Variants in RBM42 observed in about 807,000 individuals in gnomAD.
RBM42 encodes RNA-binding protein 42.
Under a neutral mutation model 41.4 loss-of-function variants are expected in RBM42, and 21 were observed. The ratio of observed to expected loss-of-function variants is 0.51; its 90% CI spans 0.36 to 0.73. RBM42 has a LOEUF of 0.73. Ranked by LOEUF, RBM42 falls within the 30% of genes least tolerant of loss-of-function variation. The probability of loss-of-function intolerance (pLI) is 0.00; values close to 1 mark genes in which losing one functional copy is unlikely to be tolerated. For missense variants in RBM42, 539 were observed against 680.4 expected, an observed-to-expected ratio of 0.79 and a Z score of 2.31; for synonymous variants, 272 against 271.2, an observed-to-expected ratio of 1.00 and a Z score of -0.03.
chr19:35,633,856 C>A lies in RBM42; in HGVS notation c.854C>A (p.Pro285Gln). The change falls in exon 7 of 10, where the codon CCG (proline) becomes CAG (glutamine). Residue 285 changes from proline to glutamine, a missense_variant. Physicochemically the swap from Pro to Gln is moderately conservative, Grantham distance 76 (BLOSUM62 -1). This residue lies in a region of RBM42 where 429 missense variants were observed against 488.9 expected (regional missense o/e 0.88). Coordinates refer to ENST00000262633, the MANE Select transcript of RBM42 (RefSeq NM_024321.5). ...AGPAVIGPSL[P>Q]LALAMPLPEP... Reference sequence around the variant, plus strand: ...CCTGCAGTCATTGGGCCCAGCCTGCCGCTGGCCCTGGCCATGCCATTGCCC... The same window carrying A: ...CCTGCAGTCATTGGGCCCAGCCTGCAGCTGGCCCTGGCCATGCCATTGCCC... The A allele has an allele frequency of 6.3e-7, 1 of 1,575,596 alleles. No individual in the cohort carries two copies. The highest frequency in any genetic ancestry group is 8.6e-7 in the Non-Finnish European group (1 of 1,164,734).
At position 35,632,936 on chromosome 19, in the gene RBM42, CTG is replaced by C; in HGVS notation, c.446_447del (p.Val149GlyfsTer114). The stretch of plus-strand genomic sequence containing the variant: ...ACACCCCCATCTCTCTCTCCCACAG[CTG>C]TGGCCCCCCAGAGGGCCCCTATCCT... On this transcript the variant is annotated frameshift_variant and splice_region_variant, in exon 5 of 10. Coordinates refer to ENST00000262633, the MANE Select transcript of RBM42 (RefSeq NM_024321.5). LOFTEE classifies it high-confidence loss of function. 2 of 1,511,856 alleles carry C rather than the reference CTG, an allele frequency of 1.3e-6. No individual in the cohort carries two copies. The highest frequency in any genetic ancestry group is 1.8e-6 in the Non-Finnish European group (2 of 1,088,318). 93.7% of individuals were successfully genotyped at this position (1,511,856 alleles called of 1,614,324 possible).
intron 8 of RBM42, among the ~76,000 whole-genome samples, chr19:35,636,619 G>A (rs1465957582): frequency 1.3e-5 from 2 of 152,198 alleles, no homozygotes; most frequent in African/African-American, 4.8e-5. Flanking sequence ...AGCATGTCCA[G>A]GTCTCAAGGG....
chr19:35,629,173 C>G lies in RBM42; in HGVS notation c.20C>G (p.Ala7Gly). The change falls in exon 1 of 10, where the codon GCC becomes GGC. Residue 7 changes from alanine (A) to glycine (G), a missense_variant. Ala to Gly is a moderately conservative substitution (Grantham distance 60). This residue lies in a region of RBM42 where 429 missense variants were observed against 488.9 expected (regional missense o/e 0.88). Transcript: ENST00000262633. ...GCAGCGATGGCTGGGGCGGGGCCAG[C>G]CCCGGGACTCCCGGGTGCAGGAGGA... MAGAGP[A>G]PGLPGAGGPV... The G allele has an allele frequency of 6.6e-7, 1 of 1,524,408 alleles. No individual in the cohort carries two copies. Among genetic ancestry groups the G allele is most frequent in the Non-Finnish European group, 8.8e-7 (1 of 1,140,406 alleles). 94.4% of individuals were successfully genotyped at this position (1,524,408 alleles called of 1,614,324 possible).
In RBM42 at chr19:35,635,822, G is replaced by A. The variant is rs531815560; in HGVS notation, c.1136-1336G>A. ...GGCATAAGCCACCACGCCCAGCCTC[G>A]ATTATATCTTAATAAGAACGGTCTC... On this transcript the variant is annotated intron_variant, in intron 8 of 9. Coordinates refer to ENST00000262633, the MANE Select transcript of RBM42 (RefSeq NM_024321.5). Among the ~76,000 whole-genome samples, 77 of 152,020 alleles carry A rather than the reference G, an allele frequency of 5.1e-4. 2 individuals are homozygous for A. The highest frequency in any genetic ancestry group is 4.2e-4 in the South Asian group (2 of 4,808).
chr19:35,631,775 G>A (rs1967411177), intron 4 of RBM42: 2 of 259,816 alleles, frequency 7.7e-6, no homozygotes, highest in South Asian at 9.0e-5. Context: ...ACTGTCTGTT[G>A]ATGGGATGAA....
chr19:35,631,568 C>T, intron 4 of RBM42, 163 bp downstream of exon 4: 1 of 688,542 alleles, frequency 1.5e-6, no homozygotes. Flanking sequence ...CTGATGATGT[C>T]AATTTTGTTT....
chr19:35,629,783 C>G, intron 2 of RBM42, 110 bp downstream of exon 2: 1 of 1,161,940 alleles, frequency 8.6e-7, no homozygotes, highest in South Asian at 1.5e-5. Flanking sequence ...ATTAGCATGA[C>G]AAATATTTTA....
rs763725935 is a variant in RBM42 at position 35,633,998 on chromosome 19, C to T, written c.996C>T (p.Pro332=). Residue 332 remains proline (P), a synonymous_variant, in exon 7 of 10, where the codon CCC becomes CCT. Coordinates refer to ENST00000262633, the MANE Select transcript of RBM42 (RefSeq NM_024321.5). ...CCCGGCCCCCTCGGCCAGAGCCACCCCCAGGCCTCATGGCTCTTGAGGTAA... is the reference window on the plus strand; with the variant it reads ...CCCGGCCCCCTCGGCCAGAGCCACCTCCAGGCCTCATGGCTCTTGAGGTAA... ...PRPRPPRPEP[P]PGLMALEVPE... 2 of 1,523,318 alleles carry T rather than the reference C, an allele frequency of 1.3e-6. No homozygotes were observed. The highest frequency in any genetic ancestry group is 1.8e-6 in the Non-Finnish European group (2 of 1,140,866). The allele number at this position is 1,523,318 out of a possible 1,614,324, so 94.4% of individuals were successfully genotyped here. A position where few individuals can be genotyped will look rare whatever the true frequency, so the allele number is the denominator to read the frequency against.
In RBM42 at chr19:35,629,076, A is replaced by C; in HGVS notation, c.-78A>C. 1 of 1,453,538 alleles carries C rather than the reference A, an allele frequency of 6.9e-7. No individual in the cohort carries two copies. Among genetic ancestry groups the C allele is most frequent in the Non-Finnish European group, 9.0e-7 (1 of 1,105,968 alleles). 90.0% of individuals were successfully genotyped at this position (1,453,538 alleles called of 1,614,324 possible). On this transcript the variant is annotated 5_prime_UTR_variant, in exon 1 of 10. Transcript: ENST00000262633. ...CATCCTCGGGAGCCCACCCGGACGA[A>C]GGGGGAGAGTAGACAGCAGAACCAG... is the stretch of plus-strand genomic sequence containing the variant.
intron 8 of RBM42, among the ~76,000 whole-genome samples, chr19:35,635,665 C>T (rs374340133): frequency 3.3e-5 from 5 of 152,030 alleles, no homozygotes; most frequent in African/African-American, 4.8e-5. Flanking sequence ...GGACTACAGG[C>T]GCGCACGACC....
At position 35,637,124 on chromosome 19, in the gene RBM42, G is replaced by A; in HGVS notation, c.1136-34G>A. Reference sequence around the variant, plus strand: ...AAGGTAGACACTGGGCAAGGCCTCTGCATCCTCTGATGTCATCTCTTCCCC... The same window carrying A: ...AAGGTAGACACTGGGCAAGGCCTCTACATCCTCTGATGTCATCTCTTCCCC... On this transcript the variant is annotated intron_variant, in intron 8 of 9. Transcript: ENST00000262633. The surrounding 1 kb of genome is among the most constrained non-coding windows in gnomAD (Gnocchi z 7.0). 6.3e-7 allele frequency: 1 copy of A among 1,575,342 alleles called. No homozygotes were observed. Among genetic ancestry groups the A allele is most frequent in the South Asian group, 1.2e-5 (1 of 86,854 alleles).
intron 8 of RBM42, among the ~76,000 whole-genome samples, chr19:35,635,314 CAAAAA>C (rs80100096): frequency 4.2e-5 from 3 of 71,684 alleles, no homozygotes; most frequent in Non-Finnish European, 5.6e-5. Flanking sequence ...GACTCCATCT[CAAAAA>C]AAAAAAAAAA....
At position 35,633,760 on chromosome 19, in the gene RBM42, TGGCGGC is replaced by T. The variant is rs749315782; in HGVS notation, c.765_770del (p.Ala256_Ala257del). 29 of 1,496,082 alleles carry T rather than the reference TGGCGGC, an allele frequency of 1.9e-5. No homozygotes were observed. Among genetic ancestry groups the T allele is most frequent in the Non-Finnish European group, 2.6e-5 (29 of 1,129,230 alleles). 92.7% of individuals were successfully genotyped at this position (1,496,082 alleles called of 1,614,324 possible). A position where few individuals can be genotyped will look rare whatever the true frequency, so the allele number is the denominator to read the frequency against. On this transcript the variant is annotated inframe_deletion, in exon 7 of 10. Coordinates refer to ENST00000262633, the MANE Select transcript of RBM42 (RefSeq NM_024321.5). ...CTGAAAGAGAAGGAAGAGGCAGTGG[TGGCGGC>T]GGCGGCTGGGCTGGAGGAGGCTAGC... is the stretch of plus-strand genomic sequence containing the variant.
At chr19:35,635,908 A>G (rs1002714289) in intron 8 of RBM42, among the ~76,000 whole-genome samples, 1 of 152,056 alleles carries the variant, frequency 6.6e-6, no homozygotes, top group Non-Finnish European at 1.5e-5. Flanking sequence ...GTCATGTATG[A>G]TGTCCCACCT....
Position 35,633,759 on chromosome 19 carries a change from G to T in RBM42, c.757G>T (p.Val253Leu). The T allele has an allele frequency of 6.7e-7, 1 of 1,498,522 alleles. No homozygotes were observed. 92.8% of individuals were successfully genotyped at this position (1,498,522 alleles called of 1,614,324 possible). ...LGLKEKEEAV[V>L]AAAAGLEEAS... ...CCTGAAAGAGAAGGAAGAGGCAGTG[G>T]TGGCGGCGGCGGCTGGGCTGGAGGA... The change falls in exon 7 of 10, where the codon GTG becomes TTG. Residue 253 changes from valine to leucine, a missense_variant. Physicochemically the swap from Val to Leu is conservative, Grantham distance 32 (BLOSUM62 1). This residue lies in a region of RBM42 where 429 missense variants were observed against 488.9 expected (regional missense o/e 0.88). Transcript: ENST00000262633.
chr19:35,629,853 T>C (rs760390879), intron 2 of RBM42, among the ~76,000 whole-genome samples, 180 bp downstream of exon 2: 2 of 152,352 alleles, frequency 1.3e-5, no homozygotes, highest in Admixed American at 6.5e-5. Flanking sequence ...CTGTGGGAGC[T>C]TATATTCTAG....
At position 35,629,045 on chromosome 19, in the gene RBM42, G is replaced by A; in HGVS notation, c.-109G>A. 2 of 1,416,938 alleles carry A rather than the reference G, an allele frequency of 1.4e-6. No homozygotes were observed. Among genetic ancestry groups the A allele is most frequent in the Non-Finnish European group, 1.9e-6 (2 of 1,080,554 alleles). The allele number at this position is 1,416,938 out of a possible 1,614,324, so 87.8% of individuals were successfully genotyped here. A position where few individuals can be genotyped will look rare whatever the true frequency, so the allele number is the denominator to read the frequency against. On this transcript the variant is annotated 5_prime_UTR_variant, in exon 1 of 10. Transcript: ENST00000262633. The stretch of plus-strand genomic sequence containing the variant: ...TGCGCCAGCGCCCGTCGCTTTTGCT[G>A]GACGTCATCCTCGGGAGCCCACCCG...
chr19:35,629,047 A>G lies in RBM42; in HGVS notation c.-107A>G. 7.0e-7 allele frequency: 1 copy of G among 1,420,068 alleles called. No homozygotes were observed. The highest frequency in any genetic ancestry group is 9.2e-7 in the Non-Finnish European group (1 of 1,083,420). The allele number at this position is 1,420,068 out of a possible 1,614,324, so 88.0% of individuals were successfully genotyped here. On this transcript the variant is annotated 5_prime_UTR_variant, in exon 1 of 10. Coordinates refer to ENST00000262633, the MANE Select transcript of RBM42 (RefSeq NM_024321.5). Reference sequence around the variant, plus strand: ...CGCCAGCGCCCGTCGCTTTTGCTGGACGTCATCCTCGGGAGCCCACCCGGA... The same window carrying G: ...CGCCAGCGCCCGTCGCTTTTGCTGGGCGTCATCCTCGGGAGCCCACCCGGA...
At chr19:35,631,287 A>G (rs1967400247) in intron 3 of RBM42, 44 bp from the exon 4 acceptor site, 1 of 1,612,324 alleles carries the variant, frequency 6.2e-7, no homozygotes. Flanking sequence ...AAAGGTGTGC[A>G]CAGGACTCTC....
Sources: gnomAD v4.1 joint callset for allele counts (sites outside exome capture counted in the v4.1 genomes callset) on GRCh38, gnomAD v4.1.1 for gene constraint, gnomAD v4.1.1 regional missense constraint, Gnocchi (gnomAD v3.1) non-coding constraint, MANE v1.5 for transcripts, NCBI Gene and HGNC (gene_info 2026-07-23, HGNC 2026-07-21) for gene names.